ABCC1: variants seen among roughly 807,000 people sequenced by gnomAD.
ABCC1 encodes ATP binding cassette subfamily C member 1 (ABCC1 blood group), also known as multidrug resistance-associated protein 1.
A neutral mutation model predicts 172.9 loss-of-function variants in ABCC1; 83 were observed. That is an observed-to-expected ratio of 0.48 (90% CI 0.40 to 0.58). ABCC1 has a LOEUF of 0.58. Ranked by LOEUF, ABCC1 falls within the 20% of genes least tolerant of loss-of-function variation. The probability of loss-of-function intolerance (pLI) is 0.00; values close to 1 mark genes in which losing one functional copy is unlikely to be tolerated. For missense variants in ABCC1, 1,817 were observed against 2,002.7 expected, an observed-to-expected ratio of 0.91 and a Z score of 1.77; for synonymous variants, 937 against 825.2, an observed-to-expected ratio of 1.14 and a Z score of -2.32.
Position 16,141,540 on chromosome 16 carries a change from C to G in ABCC1, c.*259C>G, listed in dbSNP as rs1409585677. 2.4e-5 allele frequency: 11 copies of G among 465,696 alleles called. No individual in the cohort carries two copies. Among genetic ancestry groups the G allele is most frequent in the Middle Eastern group, 5.7e-4 (1 of 1,750 alleles). 28.8% of individuals were successfully genotyped at this position (465,696 alleles called of 1,614,324 possible). A position where few individuals can be genotyped will look rare whatever the true frequency, so the allele number is the denominator to read the frequency against. ...CCTGCCCCTGGTGCCCTGAGACAGA[C>G]ACACAGCCTCACGCCCCCAGGAATG... is the stretch of plus-strand genomic sequence containing the variant. On this transcript the variant is annotated 3_prime_UTR_variant, in exon 31 of 31. Transcript: ENST00000399410.
chr16:16,105,099 C>T (rs1452405268), intron 20 of ABCC1, among the ~76,000 whole-genome samples: 1 of 152,234 alleles, frequency 6.6e-6, no homozygotes, highest in Admixed American at 6.5e-5. Flanking sequence ...GGCTGAAGGG[C>T]TCCTCAAGCG....
intron 12 of ABCC1, among the ~76,000 whole-genome samples, chr16:16,064,306 C>G (rs978219992): frequency 6.6e-6 from 1 of 152,120 alleles, no homozygotes; most frequent in African/African-American, 2.4e-5. Flanking sequence ...TCATTGTGCC[C>G]GTCCTACCAG....
chr16:16,000,291 C>T (rs143872836), intron 1 of ABCC1, among the ~76,000 whole-genome samples: 146 of 151,606 alleles, frequency 9.6e-4, no homozygotes, highest in African/African-American at 2.4e-3. Context: ...GGATTATAGG[C>T]GAGTTCACCA....
At chr16:16,090,255 GCTGTTATC>G in intron 18 of ABCC1, 142 bp from the exon 19 acceptor site, 1 of 689,096 alleles carries the variant, frequency 1.5e-6, no homozygotes, top group Non-Finnish European at 2.3e-6. Context: ...GCTCCTGGAT[GCTGTTATC>G]GCGGGTGCAT....
intron 19 of ABCC1, among the ~76,000 whole-genome samples, chr16:16,100,602 A>G (rs1249524990): frequency 6.6e-6 from 1 of 152,222 alleles, no homozygotes. Context: ...TTTAGACAAA[A>G]CAAAACAGAT....
At chr16:16,119,451 A>G (rs1238145827) in intron 23 of ABCC1, among the ~76,000 whole-genome samples, 1 of 151,946 alleles carries the variant, frequency 6.6e-6, no homozygotes, top group Non-Finnish European at 1.5e-5. Context: ...AAAACATCAG[A>G]TCGGCAGGGC....
At chr16:15,992,954 C>T (rs1429202295) in intron 1 of ABCC1, among the ~76,000 whole-genome samples, 2 of 152,078 alleles carry the variant, frequency 1.3e-5, no homozygotes, top group Non-Finnish European at 2.9e-5. Context: ...ATGTGCTTCC[C>T]GAGATCTTTG....
chr16:16,078,796 C>T (rs575379348), intron 15 of ABCC1, among the ~76,000 whole-genome samples: 9 of 152,298 alleles, frequency 5.9e-5, no homozygotes, highest in Admixed American at 6.5e-5. Flanking sequence ...TGTGCCTCAG[C>T]CTCCTCAGTA....
rs867558648 is a variant in ABCC1, at chr16:16,014,411, C to T, written c.352-80C>T. On this transcript the variant is annotated intron_variant, in intron 3 of 30. Transcript: ENST00000399410. ...CAAGTGAGCTGAGATTGCACCACTG[C>T]GCTCCAGCCTGGGTGACAAGAGTGA... The T allele has an allele frequency of 6.9e-5, 104 of 1,508,066 alleles. No homozygotes were observed. In the Middle Eastern group the frequency reaches 1.1e-3, roughly 16 times the overall value. The allele number at this position is 1,508,066 out of a possible 1,614,324, so 93.4% of individuals were successfully genotyped here. A position where few individuals can be genotyped will look rare whatever the true frequency, so the allele number is the denominator to read the frequency against.
chr16:16,132,519 T>G (rs1299855566), intron 27 of ABCC1, among the ~76,000 whole-genome samples: 4 of 84,478 alleles, frequency 4.7e-5, no homozygotes, highest in East Asian at 2.9e-4. Context: ...TGTTTTTTTT[T>G]TTTTTTTTTT....
chr16:16,059,813 C>T (rs549098634), intron 12 of ABCC1, among the ~76,000 whole-genome samples: 1 of 150,998 alleles, frequency 6.6e-6, no homozygotes, highest in Non-Finnish European at 1.5e-5. Context: ...TGCTGCTGCC[C>T]CCCCACCCCC....
chr16:15,960,409 C>G (rs1269598451), intron 1 of ABCC1, among the ~76,000 whole-genome samples: 1 of 152,114 alleles, frequency 6.6e-6, no homozygotes, highest in Non-Finnish European at 1.5e-5. Flanking sequence ...TTGTATTGTT[C>G]TTCCCACACT....
intron 19 of ABCC1, among the ~76,000 whole-genome samples, chr16:16,097,705 G>T (rs2051543434): frequency 6.6e-6 from 1 of 152,200 alleles, no homozygotes; most frequent in Admixed American, 6.5e-5. Flanking sequence ...TGGGAAGTCA[G>T]CTCTGCTTCT....
chr16:15,956,588 C>T (rs1023651085), intron 1 of ABCC1, among the ~76,000 whole-genome samples: 8 of 152,072 alleles, frequency 5.3e-5, no homozygotes, highest in Non-Finnish European at 7.4e-5. Context: ...TCACCTGCCT[C>T]GGCCTCCTAA....
intron 16 of ABCC1, among the ~76,000 whole-genome samples, chr16:16,081,872 T>C (rs115415614): frequency 0.028 from 4,194 of 151,946 alleles, 103 homozygotes; most frequent in African/African-American, 0.063. Flanking sequence ...ATACAAAAAT[T>C]AGTGGGCCTG....
chr16:15,986,126 G>A (rs1486132335), intron 1 of ABCC1, among the ~76,000 whole-genome samples: 2 of 151,928 alleles, frequency 1.3e-5, no homozygotes, highest in African/African-American at 4.8e-5. Context: ...GTAGAGACGG[G>A]GTTTCACCAT....
Position 16,086,974 on chromosome 16 carries a change from G to A in ABCC1, c.2443G>A (p.Gly815Arg). The A allele has an allele frequency of 6.2e-7, 1 of 1,614,206 alleles. No individual in the cohort carries two copies. Among genetic ancestry groups the A allele is most frequent in the Non-Finnish European group, 8.5e-7 (1 of 1,180,040 alleles). ...HIFENVIGPK[G>R]MLKNKTRILV... ...CTTTGAAAATGTGATTGGCCCCAAG[G>A]GGATGCTGAAGAACAAGGTGCCTGC... is the stretch of plus-strand genomic sequence containing the variant. The change falls in exon 18 of 31, where the codon GGG (glycine) becomes AGG (arginine). Residue 815 changes from glycine (G) to arginine (R), a missense_variant. Around this residue, in one of 3 missense-constraint regions of ABCC1, gnomAD observed 1,412 missense variants for 1,600.3 expected, o/e 0.88. Coordinates refer to ENST00000399410, the MANE Select transcript of ABCC1 (RefSeq NM_004996.4).
Position 16,056,145 on chromosome 16 carries a change from C to T in ABCC1, c.1527C>T (p.Leu509=), listed in dbSNP as rs755117464. ...GGATCAAGCTGATGAACGAAATTCT[C>T]AATGGGATCAAAGTGCTAAAGCTTT... ...DNRIKLMNEI[L]NGIKVLKLYA... is the part of the protein sequence containing the mutation. Residue 509 remains leucine, a synonymous_variant, in exon 12 of 31, where the codon CTC becomes CTT. Coordinates refer to ENST00000399410, the MANE Select transcript of ABCC1 (RefSeq NM_004996.4). The T allele has an allele frequency of 6.2e-7, 1 of 1,614,094 alleles. No homozygotes were observed. Among genetic ancestry groups the T allele is most frequent in the Non-Finnish European group, 8.5e-7 (1 of 1,180,038 alleles).
intron 5 of ABCC1, among the ~76,000 whole-genome samples, chr16:16,022,942 C>T (rs2048243580): frequency 1.3e-5 from 2 of 152,184 alleles, no homozygotes; most frequent in Non-Finnish European, 2.9e-5. Context: ...GATAGGGTCT[C>T]ACTCTGTCTC....
Sources: allele counts gnomAD v4.1 joint callset (sites outside exome capture counted in the v4.1 genomes callset), GRCh38; gene constraint gnomAD v4.1.1; regional missense constraint gnomAD v4.1.1; transcripts MANE v1.5; gene names NCBI Gene and HGNC (gene_info 2026-07-23, HGNC 2026-07-21).